The following SGTB variants were observed in gnomAD, a reference collection of about 807,000 sequenced individuals.
SGTB encodes small glutamine rich tetratricopeptide repeat co-chaperone beta.
A neutral mutation model predicts 43.9 loss-of-function variants in SGTB; 19 were observed. The observed-to-expected ratio is 0.43, with a 90% CI of 0.30 to 0.63. The LOEUF (loss-of-function observed/expected upper bound fraction) is 0.63. SGTB is among the 30% of genes least tolerant of loss of function. SGTB has a pLI of 0.12. For missense variants in SGTB, 304 were observed against 358.9 expected (o/e 0.85, Z 1.24); for synonymous variants, 116 against 117.3 (o/e 0.99, Z 0.07).
chr5:65,716,549 G>A (rs1024910146), intron 2 of SGTB, among the ~76,000 whole-genome samples: 2 of 152,184 alleles, frequency 1.3e-5, no homozygotes, highest in Non-Finnish European at 2.9e-5. Context: ...AGGATTTATT[G>A]AATGATTAGT....
chr5:65,683,350 T>C (rs1007490619), intron 6 of SGTB, among the ~76,000 whole-genome samples: 1 of 152,168 alleles, frequency 6.6e-6, no homozygotes, highest in Non-Finnish European at 1.5e-5. Flanking sequence ...TGCATGTACA[T>C]GAATGACCAC....
chr5:65,716,362 A>G (rs1052467032), intron 2 of SGTB, among the ~76,000 whole-genome samples: 2 of 152,252 alleles, frequency 1.3e-5, no homozygotes, highest in Non-Finnish European at 2.9e-5. Flanking sequence ...ATAGAAACTC[A>G]CATACTCTGT....
At chr5:65,672,151 C>T (rs1333069073) in intron 9 of SGTB, 93 bp downstream of exon 9, 4 of 1,591,212 alleles carry the variant, frequency 2.5e-6, no homozygotes, top group Non-Finnish European at 2.6e-6. Flanking sequence ...TCATTCAGAA[C>T]AGTTTCATCA....
At chr5:65,720,362 A>G (rs13178439) in intron 2 of SGTB, among the ~76,000 whole-genome samples, 45,362 of 151,994 alleles carry the variant, frequency 0.3, 7,020 homozygotes, top group South Asian at 0.44. Flanking sequence ...GATTACAGGC[A>G]TGAGCCACCA....
chr5:65,721,026 T>C (rs1758263277), intron 1 of SGTB, among the ~76,000 whole-genome samples, 197 bp from the exon 2 acceptor site: 1 of 152,206 alleles, frequency 6.6e-6, no homozygotes, highest in South Asian at 2.1e-4. Context: ...TTATTACATA[T>C]TTTCATTAAT....
At chr5:65,707,481 T>C (rs1757957113) in intron 4 of SGTB, among the ~76,000 whole-genome samples, 3 of 150,196 alleles carry the variant, frequency 2.0e-5, no homozygotes, top group Admixed American at 6.7e-5. Flanking sequence ...TGTTGCCAGG[T>C]TGGAGTACAG....
intron 8 of SGTB, among the ~76,000 whole-genome samples, chr5:65,678,096 C>G (rs1479588604): frequency 5.3e-5 from 8 of 152,122 alleles, no homozygotes; most frequent in Admixed American, 4.6e-4. Context: ...ATCTAGAAAA[C>G]CCTATTGTCT....
intron 10 of SGTB, 96 bp from the exon 11 acceptor site, chr5:65,670,453 G>A (rs1757133804): frequency 2.0e-6 from 2 of 977,862 alleles, no homozygotes; most frequent in Admixed American, 4.7e-5. Context: ...TACCTAAAGG[G>A]GGCTTTTTTC....
chr5:65,714,646 C>T (rs1758113928), intron 2 of SGTB, among the ~76,000 whole-genome samples: 1 of 152,116 alleles, frequency 6.6e-6, no homozygotes, highest in Admixed American at 6.6e-5. Context: ...GAAACCCCAT[C>T]TCCGCTAAAA....
rs1757116072 is a variant in SGTB at position 65,669,649 on chromosome 5, T to C, written c.*597A>G. 6.6e-6 allele frequency: 1 copy of C among 152,648 alleles called. No individual in the cohort carries two copies. The highest frequency in any genetic ancestry group is 1.5e-5 in the Non-Finnish European group (1 of 68,050). The allele number at this position is 152,648 out of a possible 1,614,324, so 9.5% of individuals were successfully genotyped here. A position where few individuals can be genotyped will look rare whatever the true frequency, so the allele number is the denominator to read the frequency against. ...AAACATCCCTTGCATCAAGTGCTACTTTCTAACAGCTCTTAAGATTCTCTG... is the reference window on the plus strand; with the variant it reads ...AAACATCCCTTGCATCAAGTGCTACCTTCTAACAGCTCTTAAGATTCTCTG... On this transcript the variant is annotated 3_prime_UTR_variant, in exon 11 of 11. Transcript: ENST00000381007.
intron 2 of SGTB, among the ~76,000 whole-genome samples, chr5:65,717,913 T>G (rs559608447): frequency 6.6e-6 from 1 of 152,162 alleles, no homozygotes; most frequent in East Asian, 1.9e-4. Context: ...AAGTTGGGCT[T>G]TGCAAGAAAG....
chr5:65,683,400 T>G (rs533522830), intron 6 of SGTB, among the ~76,000 whole-genome samples: 2 of 152,278 alleles, frequency 1.3e-5, no homozygotes, highest in South Asian at 4.1e-4. Flanking sequence ...TACAAATTAA[T>G]TTAGCAAGTA....
intron 5 of SGTB, among the ~76,000 whole-genome samples, chr5:65,691,232 G>A (rs1038029270): frequency 2.0e-5 from 3 of 152,136 alleles, no homozygotes; most frequent in African/African-American, 7.2e-5. Flanking sequence ...AAAGGACCTA[G>A]AAGCAATAAG....
chr5:65,715,793 G>A (rs372125871), intron 2 of SGTB, among the ~76,000 whole-genome samples: 13 of 152,124 alleles, frequency 8.5e-5, no homozygotes, highest in African/African-American at 2.4e-4. Context: ...TTTTTGAGAC[G>A]GAGTCTCGCT....
intron 6 of SGTB, 141 bp downstream of exon 6, chr5:65,685,227 G>C: frequency 1.5e-6 from 1 of 655,750 alleles, no homozygotes; most frequent in Non-Finnish European, 2.6e-6. Flanking sequence ...AGAAATTGTA[G>C]TCATTTCCTC....
At chr5:65,712,320 G>T (rs1291368129) in intron 3 of SGTB, among the ~76,000 whole-genome samples, 1 of 152,160 alleles carries the variant, frequency 6.6e-6, no homozygotes, top group South Asian at 2.1e-4. Context: ...CCACATGTGG[G>T]AGCCCTAAAC....
chr5:65,697,399 T>C (rs967683788), intron 5 of SGTB, among the ~76,000 whole-genome samples: 1 of 152,192 alleles, frequency 6.6e-6, no homozygotes, highest in Non-Finnish European at 1.5e-5. Flanking sequence ...AAATAAACTT[T>C]GTAGGCTCAC....
At position 65,688,895 on chromosome 5, in the gene SGTB, C is replaced by T. The variant is rs1292521250; in HGVS notation, c.375-3423G>A. ...CGTGATCTTGGCTCACTGCAAGCTC[C>T]GCCTCCTGGGTTCAAGCCATTCTCC... On this transcript the variant is annotated intron_variant, in intron 5 of 10. Transcript: ENST00000381007. Among the ~76,000 whole-genome samples, 6 of 152,278 alleles carry T rather than the reference C, an allele frequency of 3.9e-5. No homozygotes were observed. In the East Asian group the frequency reaches 7.7e-4, roughly 20 times the overall value.
At chr5:65,672,342 GA>G (rs1189647151) in intron 8 of SGTB, 61 bp from the exon 9 acceptor site, 9 of 1,533,872 alleles carry the variant, frequency 5.9e-6, no homozygotes, top group Non-Finnish European at 7.9e-6. Flanking sequence ...TCTTAGCAAA[GA>G]TTTTTTTTTT....
Sources: gnomAD v4.1 joint callset for allele counts (sites outside exome capture counted in the v4.1 genomes callset) on GRCh38, gnomAD v4.1.1 for gene constraint, MANE v1.5 for transcripts, NCBI Gene and HGNC (gene_info 2026-07-23, HGNC 2026-07-21) for gene names.